Variants in RHOBTB1 observed in about 807,000 individuals in gnomAD.
RHOBTB1 encodes rho-related BTB domain-containing protein 1.
Under a neutral mutation model 71.6 loss-of-function variants are expected in RHOBTB1, and 40 were observed. The observed-to-expected ratio is 0.56, with a 90% CI of 0.43 to 0.73. The LOEUF (loss-of-function observed/expected upper bound fraction) is 0.73, where lower values mean the gene tolerates loss of function less well. RHOBTB1 is among the 30% of genes least tolerant of loss of function. RHOBTB1 has a pLI of 0.00. For missense variants in RHOBTB1, 797 were observed against 894.0 expected, an observed-to-expected ratio of 0.89 and a Z score of 1.38; for synonymous variants, 319 against 334.9, an observed-to-expected ratio of 0.95 and a Z score of 0.52.
At chr10:60,864,166 G>A in the RHOBTB1 span, among the ~76,000 whole-genome samples, 2 of 152,146 alleles carry the variant, frequency 1.3e-5, no homozygotes, top group East Asian at 1.9e-4. Context: ...CTGGTCTCAT[G>A]GAAGGGCATT....
chr10:60,960,351 T>C (rs1438547744), intron 2 of RHOBTB1, among the ~76,000 whole-genome samples: 3 of 152,230 alleles, frequency 2.0e-5, no homozygotes, highest in Admixed American at 6.5e-5. Context: ...TCAAATAGTA[T>C]GTTTACGTAA....
chr10:60,909,061 G>A lies in RHOBTB1; in HGVS notation c.296+1826C>T, dbSNP rs562867875. Among the ~76,000 whole-genome samples, 4 of 152,320 alleles carry A rather than the reference G, an allele frequency of 2.6e-5. No homozygotes were observed. In the South Asian group the frequency reaches 8.3e-4, roughly 32 times the overall value. ...TGAACCGATGGAGTCACAGGAAAGA[G>A]CAGCTTATTTTTGTTGGGAGGGAAC... On this transcript the variant is annotated intron_variant, in intron 4 of 10. Transcript: ENST00000337910.
chr10:60,926,705 A>C (rs1411513679), intron 2 of RHOBTB1, among the ~76,000 whole-genome samples: 1 of 152,200 alleles, frequency 6.6e-6, no homozygotes, highest in African/African-American at 2.4e-5. Context: ...ATTCCCAAAA[A>C]CCTGGGTATG....
At chr10:60,863,414 G>T in the RHOBTB1 span, among the ~76,000 whole-genome samples, 3 of 151,118 alleles carry the variant, frequency 2.0e-5, no homozygotes, top group African/African-American at 7.3e-5. Flanking sequence ...TTTATTTTTT[G>T]TCTGCTGATA....
intron 1 of RHOBTB1, among the ~76,000 whole-genome samples, chr10:60,994,610 A>G (rs958977143): frequency 6.6e-6 from 1 of 152,076 alleles, no homozygotes; most frequent in Admixed American, 6.6e-5. Flanking sequence ...TTCTAATGTG[A>G]GGGAAAGATA....
At chr10:60,873,117 AAG>A (rs2080880713) in intron 9 of RHOBTB1, among the ~76,000 whole-genome samples, 2 of 152,148 alleles carry the variant, frequency 1.3e-5, no homozygotes, top group Non-Finnish European at 2.9e-5. Context: ...AAACCCACTC[AAG>A]AGACTCACTG....
intron 7 of RHOBTB1, among the ~76,000 whole-genome samples, chr10:60,883,210 G>T (rs2081406996): frequency 1.3e-5 from 2 of 152,164 alleles, no homozygotes; most frequent in South Asian, 4.1e-4. Context: ...TTTTGAGCTG[G>T]TCTGAATGTA....
chr10:60,944,344 C>G (rs1372393868), upstream of RHOBTB1: 2 of 152,226 alleles, frequency 1.3e-5, no homozygotes, highest in African/African-American at 4.8e-5. Flanking sequence ...GCAGCCTTCG[C>G]GGCTATTTAT....
At chr10:60,886,540 G>A (rs1031850208) in intron 6 of RHOBTB1, among the ~76,000 whole-genome samples, 3 of 151,776 alleles carry the variant, frequency 2.0e-5, no homozygotes, top group African/African-American at 4.8e-5. Flanking sequence ...ACAGTGGAAC[G>A]AACAGTATGA....
chr10:60,955,353 C>T (rs1227346730), intron 2 of RHOBTB1, among the ~76,000 whole-genome samples: 1 of 146,184 alleles, frequency 6.8e-6, no homozygotes, highest in Non-Finnish European at 1.5e-5. Flanking sequence ...CAAGGGGAAC[C>T]TTCTTTATGG....
At chr10:60,947,439 A>G (rs2134348125), upstream of RHOBTB1, among the ~76,000 whole-genome samples, 1 of 152,302 alleles carries the variant, frequency 6.6e-6, no homozygotes, top group South Asian at 2.1e-4. Flanking sequence ...TTGTTCCACT[A>G]TCACAAAAGA....
intron 2 of RHOBTB1, among the ~76,000 whole-genome samples, chr10:60,937,091 A>G (rs1252901838): frequency 6.6e-6 from 1 of 152,250 alleles, no homozygotes; most frequent in African/African-American, 2.4e-5. Flanking sequence ...TTTAAAAAAA[A>G]TATCAAAGCA....
At position 60,888,680 on chromosome 10, in the gene RHOBTB1, C is replaced by G. The variant is rs1373442573; in HGVS notation, c.988G>C (p.Glu330Gln). ...GGCGGGCCCTCCTCCCTTTCTTCCT[C>G]TGGGTCGACACTCAATATCCGCCCC... The part of the protein sequence containing the change: ...FQGRILSVDP[E>Q]EEREEGPPRI... The change falls in exon 6 of 11, where the codon GAG becomes CAG. Residue 330 changes from glutamate (E) to glutamine (Q), a missense_variant. Glu to Gln is a conservative substitution (Grantham distance 29, BLOSUM62 2). Transcript: ENST00000337910. 1.2e-6 allele frequency: 2 copies of G among 1,614,230 alleles called. No homozygotes were observed. Among genetic ancestry groups the G allele is most frequent in the South Asian group, 1.1e-5 (1 of 91,084 alleles).
chr10:60,926,461 C>T (rs922178431), intron 2 of RHOBTB1, among the ~76,000 whole-genome samples: 2 of 152,158 alleles, frequency 1.3e-5, no homozygotes, highest in African/African-American at 4.8e-5. Context: ...ATCTAATACA[C>T]ATAGATGCAA....
At chr10:60,921,216 G>A (rs2083543316) in intron 2 of RHOBTB1, among the ~76,000 whole-genome samples, 1 of 152,094 alleles carries the variant, frequency 6.6e-6, no homozygotes, top group Non-Finnish European at 1.5e-5. Context: ...CCAAAGTGCT[G>A]GGATTACCAG....
At chr10:60,953,137 G>A (rs1017713773) in intron 2 of RHOBTB1, among the ~76,000 whole-genome samples, 1 of 152,208 alleles carries the variant, frequency 6.6e-6, no homozygotes, top group Non-Finnish European at 1.5e-5. Flanking sequence ...AACAGATGGA[G>A]TTATTATAAA....
chr10:60,974,158 T>C (rs1589443383), intron 2 of RHOBTB1, among the ~76,000 whole-genome samples: 1 of 152,062 alleles, frequency 6.6e-6, no homozygotes, highest in Non-Finnish European at 1.5e-5. Flanking sequence ...GTTAAGAGTG[T>C]TGTCACCCCT....
At chr10:60,922,042 C>A (rs1050484296) in intron 2 of RHOBTB1, among the ~76,000 whole-genome samples, 1 of 152,046 alleles carries the variant, frequency 6.6e-6, no homozygotes, top group African/African-American at 2.4e-5. Flanking sequence ...CAAATGAGTG[C>A]TTGTTTATTT....
At chr10:60,908,406 C>T (rs1181261655) in intron 4 of RHOBTB1, among the ~76,000 whole-genome samples, 3 of 152,170 alleles carry the variant, frequency 2.0e-5, no homozygotes, top group African/African-American at 7.2e-5. Context: ...AAGTTTATGT[C>T]TTGAGTACAT....
Sources: allele counts gnomAD v4.1 joint callset (sites outside exome capture counted in the v4.1 genomes callset), GRCh38; gene constraint gnomAD v4.1.1; transcripts MANE v1.5; gene names NCBI Gene and HGNC (gene_info 2026-07-23, HGNC 2026-07-21).